The following GABRG3 variants were observed in gnomAD, a reference collection of about 807,000 sequenced individuals.
The protein encoded by GABRG3 is gamma-aminobutyric acid type A receptor subunit gamma3.
GABRG3 carries 25 observed loss-of-function variants against 48.8 expected under a neutral mutation model. The observed-to-expected ratio is 0.51, with a 90% CI of 0.37 to 0.72. GABRG3 has a LOEUF of 0.72. Ranked by LOEUF, GABRG3 falls within the 30% of genes least tolerant of loss-of-function variation. The pLI is 0.00. For missense variants in GABRG3, 394 were observed against 577.9 expected, an observed-to-expected ratio of 0.68 and a Z score of 3.26; for synonymous variants, 227 against 217.6, an observed-to-expected ratio of 1.04 and a Z score of -0.38.
In GABRG3 at chr15:27,057,030, G is replaced by A. The variant is rs137962404; in HGVS notation, c.270+30209G>A. On this transcript the variant is annotated intron_variant, in intron 3 of 9. Coordinates refer to ENST00000615808, the MANE Select transcript of GABRG3 (RefSeq NM_033223.5). ...TTATCAAGGGAAGGATTCAGAGACA[G>A]GGTGTGGAGTAAACATTGCTCTCAT... 3.3e-3 allele frequency among the ~76,000 whole-genome samples: 503 copies of A among 152,312 alleles called. 1 individual carries two copies. Among genetic ancestry groups the A allele is most frequent in the Non-Finnish European group, 4.9e-3 (334 of 68,022 alleles).
chr15:27,043,008 C>G (rs933873385), intron 3 of GABRG3, among the ~76,000 whole-genome samples: 10 of 152,220 alleles, frequency 6.6e-5, no homozygotes, highest in African/African-American at 2.4e-4. Context: ...CCACGGGCTC[C>G]GCGTCCAGCC....
At chr15:27,169,634 G>A (rs774073590) in intron 3 of GABRG3, among the ~76,000 whole-genome samples, 1 of 152,182 alleles carries the variant, frequency 6.6e-6, no homozygotes, top group Non-Finnish European at 1.5e-5. Flanking sequence ...GCATAGCCCA[G>A]CCTCTTTAGA....
At chr15:27,095,914 A>G (rs570544536) in intron 3 of GABRG3, among the ~76,000 whole-genome samples, 2 of 152,214 alleles carry the variant, frequency 1.3e-5, no homozygotes, top group Admixed American at 1.3e-4. Context: ...GATGTCCCCC[A>G]GGACCCGCCT....
intron 5 of GABRG3, among the ~76,000 whole-genome samples, chr15:27,347,125 G>GC (rs1414481642): frequency 2.6e-5 from 4 of 152,118 alleles, no homozygotes; most frequent in Admixed American, 6.5e-5. Flanking sequence ...AGCTTTGGGT[G>GC]CCAGAGGCTT....
In GABRG3 at chr15:27,538,113, A is replaced by T. The variant is rs1281946740; in HGVS notation, c.*5232A>T. ...CGCCTTGGCCTCCCAAAGTACTGGG[A>T]TTACAGGCGTGAGCCACCGCGCCCA... On this transcript the variant is annotated 3_prime_UTR_variant, in exon 10 of 10. Transcript: ENST00000615808. 1 of 152,228 alleles carries T rather than the reference A, an allele frequency of 6.6e-6. No homozygotes were observed. The highest frequency in any genetic ancestry group is 1.5e-5 in the Non-Finnish European group (1 of 68,054). The allele number at this position is 152,228 out of a possible 1,614,324, so 9.4% of individuals were successfully genotyped here. A position where few individuals can be genotyped will look rare whatever the true frequency, so the allele number is the denominator to read the frequency against.
chr15:27,220,828 C>T (rs913540190), intron 3 of GABRG3, among the ~76,000 whole-genome samples: 5 of 152,046 alleles, frequency 3.3e-5, no homozygotes, highest in African/African-American at 4.8e-5. Flanking sequence ...ATTTCCATGC[C>T]GAGGGTGGGG....
intron 3 of GABRG3, among the ~76,000 whole-genome samples, chr15:27,321,387 C>T (rs1344770286): frequency 1.3e-5 from 2 of 152,180 alleles, no homozygotes; most frequent in African/African-American, 2.4e-5. Flanking sequence ...CAGGGACAGG[C>T]GCCCAGGGAG....
chr15:27,075,999 G>A (rs1364376595), intron 3 of GABRG3, among the ~76,000 whole-genome samples: 1 of 152,178 alleles, frequency 6.6e-6, no homozygotes, highest in Non-Finnish European at 1.5e-5. Context: ...GTTTCTCTGT[G>A]TCCCCGCGCT....
Position 27,393,218 on chromosome 15 carries a change from C to T in GABRG3, c.574+64330C>T, listed in dbSNP as rs183676286. 3.2e-3 allele frequency among the ~76,000 whole-genome samples: 480 copies of T among 152,062 alleles called. 1 individual carries two copies. Among genetic ancestry groups the T allele is most frequent in the South Asian group, 9.8e-3 (47 of 4,804 alleles). On this transcript the variant is annotated intron_variant, in intron 5 of 9. Transcript: ENST00000615808. The stretch of plus-strand genomic sequence containing the variant: ...AATTAGCCAGGCGTGGTGGCGGGTG[C>T]CTGTAGTCCCAGCTACTTGGGAGGC...
intron 5 of GABRG3, among the ~76,000 whole-genome samples, chr15:27,356,591 T>A (rs998472655): frequency 2.5e-4 from 38 of 152,346 alleles, no homozygotes; most frequent in African/African-American, 9.1e-4. Context: ...AGAATTCTGC[T>A]TCTTAGATTT....
chr15:27,285,647 G>A (rs770008923), intron 3 of GABRG3, among the ~76,000 whole-genome samples: 4 of 152,222 alleles, frequency 2.6e-5, no homozygotes, highest in Non-Finnish European at 4.4e-5. Flanking sequence ...AGCATAAGCT[G>A]TTAATATTAG....
intron 3 of GABRG3, among the ~76,000 whole-genome samples, chr15:27,280,751 C>T (rs991348151): frequency 3.9e-4 from 59 of 152,060 alleles, no homozygotes; most frequent in Admixed American, 7.2e-4. Flanking sequence ...GTCTAGGATA[C>T]GGTTTATGTG....
intron 3 of GABRG3, among the ~76,000 whole-genome samples, chr15:27,225,557 G>A (rs765627431): frequency 6.6e-6 from 1 of 152,072 alleles, no homozygotes; most frequent in African/African-American, 2.4e-5. Flanking sequence ...GAAATGCTGG[G>A]CATTTGGGTT....
At chr15:27,396,841 T>C (rs4778159) in intron 5 of GABRG3, among the ~76,000 whole-genome samples, 1 of 151,886 alleles carries the variant, frequency 6.6e-6, no homozygotes. Flanking sequence ...AATCTAAAAA[T>C]GAAGGAAGAC....
At chr15:27,390,219 C>T (rs377552758) in intron 5 of GABRG3, among the ~76,000 whole-genome samples, 14 of 152,262 alleles carry the variant, frequency 9.2e-5, no homozygotes, top group Non-Finnish European at 1.8e-4. Context: ...TCGTATATTA[C>T]GCCACTGAAA....
intron 1 of GABRG3, 98 bp downstream of exon 1, chr15:26,971,686 G>T (rs1894848299): frequency 1.5e-6 from 2 of 1,345,110 alleles, no homozygotes; most frequent in Non-Finnish European, 1.9e-6. Context: ...CCAGCCGTCG[G>T]CTGGGCTGCG....
intron 3 of GABRG3, among the ~76,000 whole-genome samples, chr15:27,276,051 C>T (rs939707220): frequency 1.3e-5 from 2 of 152,200 alleles, no homozygotes; most frequent in African/African-American, 4.8e-5. Context: ...AAATAAGAAC[C>T]CGCAAATGAG....
intron 7 of GABRG3, among the ~76,000 whole-genome samples, chr15:27,522,438 A>T (rs1210022612): frequency 7.5e-6 from 1 of 133,480 alleles, no homozygotes; most frequent in Non-Finnish European, 1.5e-5. Context: ...GGTGAAGTTT[A>T]AAAAAAACTA....
intron 3 of GABRG3, among the ~76,000 whole-genome samples, chr15:27,308,904 C>T (rs1939248012): frequency 6.7e-6 from 1 of 149,800 alleles, no homozygotes; most frequent in Non-Finnish European, 1.5e-5. Flanking sequence ...TATATGAAAA[C>T]AGAATGTAAA....
Sources: allele counts gnomAD v4.1 joint callset (sites outside exome capture counted in the v4.1 genomes callset), GRCh38; gene constraint gnomAD v4.1.1; transcripts MANE v1.5; gene names NCBI Gene and HGNC (gene_info 2026-07-23, HGNC 2026-07-21).